The following DLGAP2 variants were observed in gnomAD, a reference collection of about 807,000 sequenced individuals.
DLGAP2 encodes DLG associated protein 2.
In DLGAP2, 26 loss-of-function variants were observed where a neutral mutation model predicts 100.3. The ratio of observed to expected loss-of-function variants is 0.26; its 90% CI spans 0.19 to 0.36. The LOEUF (loss-of-function observed/expected upper bound fraction) is 0.36. Ranked by LOEUF, DLGAP2 falls within the 10% of genes least tolerant of loss-of-function variation. DLGAP2 has a pLI of 1.00. For synonymous variants in DLGAP2, 886 were observed against 630.1 expected, an observed-to-expected ratio of 1.41 and a Z score of -6.08; for missense variants, 1,858 against 1,453.2, an observed-to-expected ratio of 1.28 and a Z score of -4.53.
At position 1,674,838 on chromosome 8, in the gene DLGAP2, A is replaced by T. The variant is rs991418819; in HGVS notation, c.2203-1695A>T. ...CACTAGGCTATACTCATAAAATGGAATCCTTTGCACTTAAAACACGAGGCA... is the reference window on the plus strand; with the variant it reads ...CACTAGGCTATACTCATAAAATGGATTCCTTTGCACTTAAAACACGAGGCA... On this transcript the variant is annotated intron_variant, in intron 10 of 14. Transcript: ENST00000637795. Among the ~76,000 whole-genome samples the T allele has an allele frequency of 9.2e-5, 14 of 152,262 alleles. 1 individual carries two copies. The East Asian group carries it at 2.7e-3, about 29-fold the overall frequency.
intron 2 of DLGAP2, among the ~76,000 whole-genome samples, chr8:972,165 C>G (rs1043587996): frequency 6.6e-6 from 1 of 152,204 alleles, no homozygotes; most frequent in Non-Finnish European, 1.5e-5. Context: ...CACAGCCTGA[C>G]TCCTAGATGG....
intron 1 of DLGAP2, among the ~76,000 whole-genome samples, chr8:774,596 T>C (rs1254856635): frequency 6.7e-6 from 1 of 150,242 alleles, no homozygotes; most frequent in East Asian, 2.0e-4. Flanking sequence ...CACCATTTAT[T>C]AAATAGGGAA....
At chr8:1,392,700 C>A (rs1796394968) in intron 3 of DLGAP2, among the ~76,000 whole-genome samples, 1 of 152,212 alleles carries the variant, frequency 6.6e-6, no homozygotes, top group Non-Finnish European at 1.5e-5. Flanking sequence ...CCTGGGTCAG[C>A]ACATCTGCGT....
intron 3 of DLGAP2, among the ~76,000 whole-genome samples, chr8:1,347,529 A>T (rs1801593674): frequency 6.6e-6 from 1 of 152,046 alleles, no homozygotes; most frequent in African/African-American, 2.4e-5. Context: ...CATTGCACTC[A>T]TGGTAGCTGT....
At position 1,331,004 on chromosome 8, in the gene DLGAP2, G is replaced by C. The variant is rs549689793; in HGVS notation, c.106+72121G>C. On this transcript the variant is annotated intron_variant, in intron 3 of 14. Transcript: ENST00000637795. ...GTTCTGGGTGGGAGCACCGCTTCAT[G>C]GGGACTGAGTTCTGGGTGGGAGCAC... Among the ~76,000 whole-genome samples, 70 of 131,654 alleles carry C rather than the reference G, an allele frequency of 5.3e-4. No individual in the cohort carries two copies. The East Asian group carries it at 0.012, about 23-fold the overall frequency. The allele number at this position is 131,654 out of a possible 152,430, so 86.4% of individuals were successfully genotyped here. A position where few individuals can be genotyped will look rare whatever the true frequency, so the allele number is the denominator to read the frequency against.
At chr8:1,499,039 C>T (rs1232671839) in intron 3 of DLGAP2, among the ~76,000 whole-genome samples, 3 of 152,270 alleles carry the variant, frequency 2.0e-5, no homozygotes, top group Admixed American at 6.5e-5. Flanking sequence ...ACAGCAAGGG[C>T]GGGTGGGAGG....
intron 3 of DLGAP2, among the ~76,000 whole-genome samples, chr8:1,388,929 C>T (rs1313757776): frequency 6.0e-5 from 8 of 133,304 alleles, no homozygotes; most frequent in Non-Finnish European, 1.1e-4. Flanking sequence ...GATGAGGAAG[C>T]GCTGGTTCAA....
At chr8:871,671 C>A (rs937767522) in intron 1 of DLGAP2, among the ~76,000 whole-genome samples, 1 of 151,988 alleles carries the variant, frequency 6.6e-6, no homozygotes. Context: ...GACATTCAAC[C>A]AGATAAGTAT....
At chr8:1,664,598 A>G (rs1259278598) in intron 8 of DLGAP2, among the ~76,000 whole-genome samples, 1 of 152,236 alleles carries the variant, frequency 6.6e-6, no homozygotes, top group Non-Finnish European at 1.5e-5. Flanking sequence ...ACGTGGAAGA[A>G]AGCCCAGGGT....
chr8:1,099,060 C>T (rs962553610), intron 2 of DLGAP2, among the ~76,000 whole-genome samples: 1 of 152,094 alleles, frequency 6.6e-6, no homozygotes, highest in African/African-American at 2.4e-5. Flanking sequence ...AAATACTGTT[C>T]TTACAGCATT....
chr8:936,686 C>T (rs1474184907), intron 2 of DLGAP2, among the ~76,000 whole-genome samples: 2 of 152,116 alleles, frequency 1.3e-5, no homozygotes, highest in Non-Finnish European at 2.9e-5. Flanking sequence ...GTGCAAGGTC[C>T]TCTCTTTTTG....
chr8:1,142,416 G>A (rs1796537606), intron 2 of DLGAP2, among the ~76,000 whole-genome samples: 1 of 152,210 alleles, frequency 6.6e-6, no homozygotes, highest in South Asian at 2.1e-4. Context: ...CAAGAAAGAA[G>A]CTAGATGCAG....
intron 4 of DLGAP2, among the ~76,000 whole-genome samples, chr8:1,532,362 T>C (rs923753259): frequency 2.6e-5 from 4 of 152,224 alleles, no homozygotes; most frequent in African/African-American, 9.7e-5. Context: ...TTCTCATTTG[T>C]ATTTGCAAAT....
chr8:1,018,781 A>G (rs1801544852), intron 2 of DLGAP2: 1 of 152,252 alleles, frequency 6.6e-6, no homozygotes, highest in Admixed American at 6.5e-5. Context: ...TTAACTAAAA[A>G]GTCTTTGCTA....
intron 8 of DLGAP2, among the ~76,000 whole-genome samples, chr8:1,663,363 G>A (rs766887020): frequency 1.3e-5 from 2 of 152,120 alleles, no homozygotes; most frequent in Non-Finnish European, 2.9e-5. Flanking sequence ...GTCGGCCAGT[G>A]CTGTTTGGGG....
chr8:757,945 G>T (rs1820961885), intron 1 of DLGAP2, among the ~76,000 whole-genome samples: 1 of 152,178 alleles, frequency 6.6e-6, no homozygotes, highest in African/African-American at 2.4e-5. Context: ...GGGCGGCGTG[G>T]GGCAAGTGTG....
intron 2 of DLGAP2, among the ~76,000 whole-genome samples, chr8:1,018,024 C>T (rs78779648): frequency 1.3e-5 from 2 of 152,100 alleles, no homozygotes; most frequent in East Asian, 1.9e-4. Flanking sequence ...TTGTGGAAAG[C>T]GCTCACTGAC....
intron 2 of DLGAP2, among the ~76,000 whole-genome samples, chr8:1,026,120 G>A (rs540808954): frequency 3.7e-4 from 57 of 152,280 alleles, no homozygotes; most frequent in Admixed American, 1.7e-3. Flanking sequence ...CCAGTCTGGC[G>A]TCCTCGAACA....
chr8:1,632,403 G>A (rs1390935893), intron 7 of DLGAP2, among the ~76,000 whole-genome samples: 1 of 152,184 alleles, frequency 6.6e-6, no homozygotes, highest in Non-Finnish European at 1.5e-5. Context: ...CCCTTATACG[G>A]CCTCAGTGCC....
Sources: allele counts gnomAD v4.1 joint callset (sites outside exome capture counted in the v4.1 genomes callset), GRCh38; gene constraint gnomAD v4.1.1; transcripts MANE v1.5; gene names NCBI Gene and HGNC (gene_info 2026-07-23, HGNC 2026-07-21).